Variants in GRM7 observed in about 807,000 individuals in gnomAD.
GRM7 encodes glutamate metabotropic receptor 7.
Under a neutral mutation model 84.5 loss-of-function variants are expected in GRM7, and 35 were observed. The observed-to-expected ratio is 0.41, with a 90% CI of 0.32 to 0.55. The LOEUF is 0.55. Ranked by LOEUF, GRM7 falls within the 20% of genes least tolerant of loss-of-function variation. The probability of loss-of-function intolerance (pLI) is 0.19; values close to 1 mark genes in which losing one functional copy is unlikely to be tolerated. For synonymous variants in GRM7, 487 were observed against 455.1 expected, an observed-to-expected ratio of 1.07 and a Z score of -0.89; for missense variants, 1,003 against 1,194.6, an observed-to-expected ratio of 0.84 and a Z score of 2.36.
At chr3:6,975,110 T>G (rs1297756392) in intron 1 of GRM7, among the ~76,000 whole-genome samples, 5 of 152,136 alleles carry the variant, frequency 3.3e-5, no homozygotes, top group Non-Finnish European at 4.4e-5. Context: ...TAGAAACACA[T>G]GCTTTGAGCC....
At chr3:7,713,015 G>A (rs1250341155) in intron 9 of GRM7, among the ~76,000 whole-genome samples, 1 of 151,760 alleles carries the variant, frequency 6.6e-6, no homozygotes, top group Non-Finnish European at 1.5e-5. Flanking sequence ...CACTAGATTA[G>A]GGCCCACCCT....
intron 5 of GRM7, among the ~76,000 whole-genome samples, chr3:7,427,372 A>G (rs1407346116): frequency 1.3e-5 from 2 of 152,166 alleles, no homozygotes; most frequent in East Asian, 3.9e-4. Context: ...ATGAAGAATT[A>G]TTGCATTTTA....
chr3:6,992,832 A>G (rs1694694562), intron 1 of GRM7, among the ~76,000 whole-genome samples: 1 of 152,334 alleles, frequency 6.6e-6, no homozygotes, highest in Non-Finnish European at 1.5e-5. Flanking sequence ...CCATTGGTCA[A>G]GCCAAATGTG....
chr3:6,893,495 T>C (rs1696050987), intron 1 of GRM7, among the ~76,000 whole-genome samples: 1 of 152,192 alleles, frequency 6.6e-6, no homozygotes, highest in Admixed American at 6.6e-5. Context: ...ATTATCTTTG[T>C]GTTGTTTTCT....
intron 1 of GRM7, among the ~76,000 whole-genome samples, chr3:6,992,530 T>G (rs887109108): frequency 6.6e-5 from 10 of 152,112 alleles, no homozygotes; most frequent in Non-Finnish European, 1.2e-4. Context: ...ATAAAGGAAC[T>G]ATTTACAGAG....
chr3:7,582,278 C>T (rs980340228), intron 8 of GRM7, among the ~76,000 whole-genome samples: 1 of 152,176 alleles, frequency 6.6e-6, no homozygotes, highest in Non-Finnish European at 1.5e-5. Context: ...AGGGAACATA[C>T]AGGCTACCCG....
intron 1 of GRM7, among the ~76,000 whole-genome samples, chr3:6,891,433 A>G (rs1175725871): frequency 3.9e-5 from 6 of 152,246 alleles, no homozygotes; most frequent in African/African-American, 1.2e-4. Context: ...GCCTGGTGGT[A>G]ACAAAATCTC....
chr3:7,310,414 C>T (rs138583522), intron 4 of GRM7, among the ~76,000 whole-genome samples: 170 of 152,150 alleles, frequency 1.1e-3, no homozygotes, highest in Non-Finnish European at 1.7e-3. Flanking sequence ...CTTTATTTTT[C>T]CTAAAACTGG....
chr3:7,209,992 G>A (rs1696368248), intron 2 of GRM7, among the ~76,000 whole-genome samples: 1 of 152,200 alleles, frequency 6.6e-6, no homozygotes, highest in Non-Finnish European at 1.5e-5. Flanking sequence ...TTGTCTGGCA[G>A]CATGTACTAA....
intron 2 of GRM7, among the ~76,000 whole-genome samples, chr3:7,177,273 T>G (rs11131065): frequency 6.6e-6 from 1 of 151,994 alleles, no homozygotes; most frequent in East Asian, 1.9e-4. Context: ...CTCCATGCAA[T>G]CAAGGCACAT....
At chr3:7,593,066 A>G (rs74971387) in intron 8 of GRM7, among the ~76,000 whole-genome samples, 2,197 of 152,330 alleles carry the variant, frequency 0.014, 53 homozygotes, top group African/African-American at 0.045. Context: ...CTTGCTAGTT[A>G]GAGTATCTTT....
At chr3:7,542,287 C>T (rs969512581) in intron 7 of GRM7, among the ~76,000 whole-genome samples, 6 of 152,258 alleles carry the variant, frequency 3.9e-5, no homozygotes, top group African/African-American at 9.6e-5. Context: ...CTTTTCTCCC[C>T]GCTCCATCAT....
chr3:7,295,115 A>T (rs1699769467), intron 2 of GRM7, among the ~76,000 whole-genome samples: 1 of 152,152 alleles, frequency 6.6e-6, no homozygotes, highest in Admixed American at 6.6e-5. Flanking sequence ...CCTTTGTTTT[A>T]TTCTAAAAGT....
chr3:6,932,658 G>A (rs1050125376), intron 1 of GRM7, among the ~76,000 whole-genome samples: 2 of 151,734 alleles, frequency 1.3e-5, no homozygotes, highest in Admixed American at 1.3e-4. Flanking sequence ...TCATCATATC[G>A]GGAGGTCACA....
chr3:7,032,150 A>C (rs11915670), intron 1 of GRM7, among the ~76,000 whole-genome samples: 9,781 of 152,298 alleles, frequency 0.064, 1,017 homozygotes, highest in African/African-American at 0.22. Context: ...GTGGAACAAC[A>C]TGCTCTTATA....
intron 4 of GRM7, among the ~76,000 whole-genome samples, chr3:7,387,800 A>G (rs547055223): frequency 6.6e-6 from 1 of 152,014 alleles, no homozygotes; most frequent in African/African-American, 2.4e-5. Context: ...GAATTTTAGG[A>G]TAGTTTTTTT....
rs145013473 is a variant in GRM7 at position 7,096,616 on chromosome 3, C to T, written c.520-49836C>T. On this transcript the variant is annotated intron_variant, in intron 1 of 9. Coordinates refer to ENST00000357716, the MANE Select transcript of GRM7 (RefSeq NM_000844.4). ...TTATGGGGGTTTTAATACATAGGCACGACTGGTGAAATCATTGGCCACATG... is the reference window on the plus strand; with the variant it reads ...TTATGGGGGTTTTAATACATAGGCATGACTGGTGAAATCATTGGCCACATG... 6.9e-3 allele frequency among the ~76,000 whole-genome samples: 1,054 copies of T among 152,136 alleles called. 5 individuals carry two copies. Among genetic ancestry groups the T allele is most frequent in the Middle Eastern group, 0.024 (7 of 294 alleles).
intron 5 of GRM7, among the ~76,000 whole-genome samples, chr3:7,416,477 T>G (rs946493659): frequency 4.6e-5 from 7 of 152,132 alleles, no homozygotes; most frequent in African/African-American, 1.7e-4. Context: ...CACCCACATG[T>G]TGTAGATTAA....
chr3:7,266,011 G>A (rs1352756709), intron 2 of GRM7, among the ~76,000 whole-genome samples: 3 of 152,068 alleles, frequency 2.0e-5, no homozygotes, highest in African/African-American at 2.4e-5. Flanking sequence ...TCTTAATCCC[G>A]ATTTCAGGGG....
Sources: allele counts gnomAD v4.1 joint callset (sites outside exome capture counted in the v4.1 genomes callset), GRCh38; gene constraint gnomAD v4.1.1; transcripts MANE v1.5; gene names NCBI Gene and HGNC (gene_info 2026-07-23, HGNC 2026-07-21).